Variants in NAV2 observed in about 807,000 individuals in gnomAD.
The protein encoded by NAV2 is helicase, APC down-regulated 1.
A neutral mutation model predicts 223.2 loss-of-function variants in NAV2; 54 were observed. The ratio of observed to expected loss-of-function variants is 0.24; its 90% CI spans 0.19 to 0.30. The LOEUF (loss-of-function observed/expected upper bound fraction) is 0.30. Ranked by LOEUF, NAV2 falls within the 10% of genes least tolerant of loss-of-function variation. The probability of loss-of-function intolerance (pLI) is 1.00; values close to 1 mark genes in which losing one functional copy is unlikely to be tolerated. For synonymous variants in NAV2, 1,279 were observed against 1,239.3 expected (o/e 1.03, Z -0.67); for missense variants, 2,806 against 3,147.5 (o/e 0.89, Z 2.60).
chr11:19,410,799 G>T (rs1392325420), intron 1 of NAV2, among the ~76,000 whole-genome samples: 1 of 152,184 alleles, frequency 6.6e-6, no homozygotes, highest in Non-Finnish European at 1.5e-5. Flanking sequence ...ATACTTGTTT[G>T]CAGTTTTGAG....
At chr11:19,403,349 G>T (rs1436114503) in intron 1 of NAV2, among the ~76,000 whole-genome samples, 1 of 152,168 alleles carries the variant, frequency 6.6e-6, no homozygotes, top group South Asian at 2.1e-4. Context: ...TGATACTCTA[G>T]TGCAATAACA....
At chr11:19,603,079 G>T (rs1239719464) in intron 1 of NAV2, among the ~76,000 whole-genome samples, 1 of 152,208 alleles carries the variant, frequency 6.6e-6, no homozygotes, top group African/African-American at 2.4e-5. Context: ...AACAGAGAGG[G>T]CTGAGGTTAC....
At chr11:19,632,882 T>G (rs1239715585) in intron 1 of NAV2, among the ~76,000 whole-genome samples, 1 of 152,252 alleles carries the variant, frequency 6.6e-6, no homozygotes, top group Non-Finnish European at 1.5e-5. Flanking sequence ...ATGCATTTTA[T>G]CCAAACCCTT....
rs1235777342 is a variant in NAV2 at position 19,598,267 on chromosome 11, AG to A, written c.76-234212del. 3.3e-5 allele frequency among the ~76,000 whole-genome samples: 5 copies of A among 152,322 alleles called. No homozygotes were observed. The South Asian group carries it at 8.3e-4, about 25-fold the overall frequency. On this transcript the variant is annotated intron_variant, in intron 1 of 37. Transcript: ENST00000360655. ...ATGCCAAAGAGAACCTGGGGGTGCC[AG>A]GGGGTCCTCAGAGCTCACACTGCAC...
At chr11:19,816,569 G>A (rs760038001) in intron 1 of NAV2, among the ~76,000 whole-genome samples, 7 of 152,134 alleles carry the variant, frequency 4.6e-5, no homozygotes, top group Non-Finnish European at 1.0e-4. Flanking sequence ...ATGCTATTAT[G>A]ATCTCCACTT....
intron 11 of NAV2, among the ~76,000 whole-genome samples, chr11:20,002,016 C>T (rs1006550409): frequency 6.6e-6 from 1 of 152,124 alleles, no homozygotes; most frequent in African/African-American, 2.4e-5. Flanking sequence ...AGTCCAAGGT[C>T]AGGATGCCGG....
chr11:19,648,150 A>G (rs1403304614), intron 1 of NAV2, among the ~76,000 whole-genome samples: 1 of 152,222 alleles, frequency 6.6e-6, no homozygotes, highest in African/African-American at 2.4e-5. Context: ...ATTAAATTTT[A>G]TAATCTAACA....
At chr11:19,383,748 A>AGCCCCTAG (rs1266693125) in intron 1 of NAV2, among the ~76,000 whole-genome samples, 2 of 152,248 alleles carry the variant, frequency 1.3e-5, no homozygotes, top group Admixed American at 6.5e-5. Flanking sequence ...ATTCAGCCAA[A>AGCCCCTAG]GCCCCTAGGA....
At chr11:19,841,873 C>T (rs1477274968) in intron 2 of NAV2, among the ~76,000 whole-genome samples, 3 of 152,146 alleles carry the variant, frequency 2.0e-5, no homozygotes, top group South Asian at 2.1e-4. Flanking sequence ...TGTTGGGCAC[C>T]GTGCTAAGCA....
At chr11:19,901,360 A>T (rs1351297603) in intron 6 of NAV2, among the ~76,000 whole-genome samples, 1 of 152,136 alleles carries the variant, frequency 6.6e-6, no homozygotes, top group Non-Finnish European at 1.5e-5. Context: ...CAGCCTGGTC[A>T]ACAGAGCAAA....
intron 1 of NAV2, among the ~76,000 whole-genome samples, chr11:19,753,119 A>T (rs1231871818): frequency 6.6e-6 from 1 of 152,206 alleles, no homozygotes; most frequent in East Asian, 1.9e-4. Context: ...TCAGACTTCC[A>T]GCCTCCAGAA....
At chr11:19,667,237 A>C (rs1318693219) in intron 1 of NAV2, among the ~76,000 whole-genome samples, 1 of 152,252 alleles carries the variant, frequency 6.6e-6, no homozygotes. Flanking sequence ...GTAGACGTTG[A>C]ACAATTATTC....
rs1416809220 is a variant in NAV2, at chr11:19,868,945, C to T, written c.459C>T (p.Cys153=). ...RSQMIENIDA[C]LNFLAAKGIN... ...CCTAGATTGAAAACATAGATGCCTG[C>T]TTGAATTTCCTGGCAGCTAAGGGAA... Residue 153 remains cysteine (C), a synonymous_variant, in exon 4 of 38, where the codon TGC becomes TGT. Transcript: ENST00000349880. 9.3e-6 allele frequency: 15 copies of T among 1,613,736 alleles called. No individual in the cohort carries two copies. Among genetic ancestry groups the T allele is most frequent in the Admixed American group, 3.3e-5 (2 of 59,988 alleles).
chr11:19,508,382 A>G (rs2043184388), intron 1 of NAV2, among the ~76,000 whole-genome samples: 1 of 152,134 alleles, frequency 6.6e-6, no homozygotes, highest in South Asian at 2.1e-4. Context: ...AAAAACAAAT[A>G]AGCATACAAG....
chr11:19,632,248 A>T (rs527330788), intron 1 of NAV2, among the ~76,000 whole-genome samples: 12 of 152,310 alleles, frequency 7.9e-5, no homozygotes, highest in African/African-American at 2.9e-4. Context: ...TTTGGCATCA[A>T]ACAGGATTGG....
chr11:19,997,591 G>A (rs4237746), intron 11 of NAV2, among the ~76,000 whole-genome samples: 71,640 of 151,982 alleles, frequency 0.47, 18,938 homozygotes, highest in Middle Eastern at 0.67. Context: ...TACCACATCA[G>A]GAATTATCCA....
chr11:19,580,441 G>A (rs924632359), intron 1 of NAV2, among the ~76,000 whole-genome samples: 5 of 152,204 alleles, frequency 3.3e-5, no homozygotes, highest in East Asian at 1.9e-4. Context: ...TCCAAAGGTA[G>A]CTCAAGGCAT....
chr11:19,860,815 G>A lies in NAV2; in HGVS notation c.439-8110G>A, dbSNP rs369094487. On this transcript the variant is annotated intron_variant, in intron 3 of 37. Transcript: ENST00000349880. The stretch of plus-strand genomic sequence containing the variant: ...AGGCCGAGGCTGGCGGATCACTCGC[G>A]GTTAGGAGCTGGAGACCAGCCCGGC... 6.5e-4 allele frequency among the ~76,000 whole-genome samples: 98 copies of A among 151,702 alleles called. No homozygotes were observed. The East Asian group carries it at 0.018, about 27-fold the overall frequency.
At chr11:19,393,895 G>GTTTTTTTTTT (rs5790072) in intron 1 of NAV2, among the ~76,000 whole-genome samples, 5 of 136,228 alleles carry the variant, frequency 3.7e-5, no homozygotes, top group Non-Finnish European at 4.7e-5. Flanking sequence ...TAACTTAAGG[G>GTTTTTTTTTT]TTTTTTTTTT....
Sources: allele counts gnomAD v4.1 joint callset (sites outside exome capture counted in the v4.1 genomes callset), GRCh38; gene constraint gnomAD v4.1.1; transcripts MANE v1.5; gene names NCBI Gene and HGNC (gene_info 2026-07-23, HGNC 2026-07-21).